FRMD5: variants seen among roughly 807,000 people sequenced by gnomAD.
FRMD5 encodes the protein FERM domain containing 5.
In FRMD5, 20 loss-of-function variants were observed where a neutral mutation model predicts 69.0. That is an observed-to-expected ratio of 0.29 (90% CI 0.20 to 0.42). The LOEUF (loss-of-function observed/expected upper bound fraction) is 0.42, where lower values mean the gene tolerates loss of function less well. Ranked by LOEUF, FRMD5 falls within the 10% of genes least tolerant of loss-of-function variation. The pLI is 1.00. For missense variants in FRMD5, 595 were observed against 708.6 expected (o/e 0.84, Z 1.82); for synonymous variants, 271 against 260.1 (o/e 1.04, Z -0.40).
At chr15:43,936,872 G>A (rs1280860551) in intron 1 of FRMD5, among the ~76,000 whole-genome samples, 13 of 151,916 alleles carry the variant, frequency 8.6e-5, no homozygotes, top group Admixed American at 8.5e-4. Flanking sequence ...AACCAACACA[G>A]TAAAGGCAAG....
intron 1 of FRMD5, among the ~76,000 whole-genome samples, chr15:44,104,787 C>T (rs538955227): frequency 5.3e-5 from 8 of 152,150 alleles, no homozygotes; most frequent in Non-Finnish European, 1.0e-4. Flanking sequence ...ATTCTCAGAA[C>T]ATACCCTGTT....
intron 1 of FRMD5, among the ~76,000 whole-genome samples, chr15:43,949,363 T>G (rs954634205): frequency 6.6e-6 from 1 of 152,222 alleles, no homozygotes; most frequent in African/African-American, 2.4e-5. Context: ...AAAATCTGTC[T>G]TAGGGCCCTC....
At chr15:44,088,569 T>A (rs1199222862) in intron 1 of FRMD5, among the ~76,000 whole-genome samples, 1 of 152,130 alleles carries the variant, frequency 6.6e-6, no homozygotes, top group African/African-American at 2.4e-5. Flanking sequence ...AGGTTATCCC[T>A]CCTCATGTTT....
intron 1 of FRMD5, among the ~76,000 whole-genome samples, chr15:44,078,501 T>C (rs1381421028): frequency 6.6e-6 from 1 of 152,130 alleles, no homozygotes; most frequent in Non-Finnish European, 1.5e-5. Context: ...CAAATTGATG[T>C]CTCACATTTC....
intron 1 of FRMD5, among the ~76,000 whole-genome samples, chr15:43,925,180 T>C (rs1006681731): frequency 6.6e-6 from 1 of 152,100 alleles, no homozygotes; most frequent in South Asian, 2.1e-4. Flanking sequence ...AATTTTTGTA[T>C]TTTTAGTAGA....
chr15:44,121,524 C>T (rs2076950754), intron 1 of FRMD5, among the ~76,000 whole-genome samples: 1 of 152,164 alleles, frequency 6.6e-6, no homozygotes, highest in Middle Eastern at 3.4e-3. Context: ...GATCTGTAGT[C>T]CCCAATGAGT....
intron 1 of FRMD5, among the ~76,000 whole-genome samples, chr15:44,186,523 G>T (rs924661913): frequency 6.6e-6 from 1 of 152,190 alleles, no homozygotes; most frequent in Non-Finnish European, 1.5e-5. Context: ...GCTTTTTCCT[G>T]CTACAAGTTC....
At chr15:44,129,686 G>T (rs370405013) in intron 1 of FRMD5, among the ~76,000 whole-genome samples, 1 of 152,108 alleles carries the variant, frequency 6.6e-6, no homozygotes, top group East Asian at 1.9e-4. Context: ...TGTAGGATAG[G>T]CTTTTAGAGT....
At chr15:43,916,189 A>G (rs1006643361) in intron 4 of FRMD5, among the ~76,000 whole-genome samples, 10 of 152,194 alleles carry the variant, frequency 6.6e-5, no homozygotes, top group Non-Finnish European at 1.3e-4. Context: ...TTCTCTTGCC[A>G]GTGTCCTTGA....
intron 1 of FRMD5, among the ~76,000 whole-genome samples, chr15:44,185,481 T>C (rs992199444): frequency 6.6e-6 from 1 of 152,106 alleles, no homozygotes; most frequent in Admixed American, 6.5e-5. Flanking sequence ...CATAATAACT[T>C]TGGGGCCTTT....
chr15:44,013,946 C>A (rs188645249), intron 1 of FRMD5, among the ~76,000 whole-genome samples: 1 of 151,570 alleles, frequency 6.6e-6, no homozygotes, highest in East Asian at 1.9e-4. Context: ...AAGCTCCACC[C>A]CCTGGGTTCA....
chr15:43,915,780 G>C (rs2089375324), intron 4 of FRMD5, among the ~76,000 whole-genome samples: 1 of 152,150 alleles, frequency 6.6e-6, no homozygotes, highest in African/African-American at 2.4e-5. Context: ...CTCTCAGCCT[G>C]GCTTTATGGG....
intron 1 of FRMD5, among the ~76,000 whole-genome samples, chr15:44,108,293 C>T (rs763457723): frequency 3.3e-5 from 5 of 152,058 alleles, no homozygotes; most frequent in South Asian, 4.1e-4. Flanking sequence ...ATCAGAGGAT[C>T]ACCTGAGCCC....
At chr15:43,912,026 G>A (rs1009648333) in intron 4 of FRMD5, among the ~76,000 whole-genome samples, 6 of 152,010 alleles carry the variant, frequency 3.9e-5, no homozygotes, top group African/African-American at 1.4e-4. Context: ...ACATATCAGG[G>A]GTATCAGCAT....
chr15:43,903,528 A>G (rs778305065), intron 6 of FRMD5, among the ~76,000 whole-genome samples: 12 of 152,254 alleles, frequency 7.9e-5, no homozygotes, highest in African/African-American at 1.7e-4. Flanking sequence ...GTATTTTTAC[A>G]TTATGAAGAC....
intron 1 of FRMD5, among the ~76,000 whole-genome samples, chr15:43,965,524 C>T (rs1023145640): frequency 2.0e-5 from 3 of 151,948 alleles, no homozygotes; most frequent in African/African-American, 7.3e-5. Context: ...ACCTAATTTC[C>T]CACCATGCCA....
chr15:43,966,733 G>C (rs181432551), intron 1 of FRMD5, among the ~76,000 whole-genome samples: 1 of 152,204 alleles, frequency 6.6e-6, no homozygotes, highest in African/African-American at 2.4e-5. Context: ...ATGGTTGTGA[G>C]GTAGCTGGAA....
At chr15:44,095,246 A>G (rs1363862917) in intron 1 of FRMD5, among the ~76,000 whole-genome samples, 1 of 149,538 alleles carries the variant, frequency 6.7e-6, no homozygotes, top group Non-Finnish European at 1.5e-5. Context: ...TCTGTTGCCC[A>G]GGCTGCAGTG....
intron 13 of FRMD5, among the ~76,000 whole-genome samples, chr15:43,876,942 C>T (rs1002682449): frequency 1.3e-5 from 2 of 152,148 alleles, no homozygotes; most frequent in Admixed American, 6.5e-5. Flanking sequence ...TACCCATTAT[C>T]TCTTCTCTCT....
Sources: allele counts gnomAD v4.1 joint callset (sites outside exome capture counted in the v4.1 genomes callset), GRCh38; gene constraint gnomAD v4.1.1; transcripts MANE v1.5; gene names NCBI Gene and HGNC (gene_info 2026-07-23, HGNC 2026-07-21).